Variants in SUPT3H observed in about 807,000 individuals in gnomAD.
The protein encoded by SUPT3H is transcription initiation protein SPT3 homolog.
SUPT3H carries 44 observed loss-of-function variants against 44.3 expected under a neutral mutation model. That is an observed-to-expected ratio of 0.99 (90% CI 0.78 to 1.28). The LOEUF is 1.28. Among genes scored for constraint, SUPT3H ranks in the 50% most tolerant of loss-of-function variants. The probability of loss-of-function intolerance (pLI) is 0.00; values close to 1 mark genes in which losing one functional copy is unlikely to be tolerated. For synonymous variants in SUPT3H, 124 were observed against 125.6 expected (o/e 0.99, Z 0.09); for missense variants, 380 against 387.1 (o/e 0.98, Z 0.15).
At chr6:45,006,533 C>T (rs1782742962) in intron 5 of SUPT3H, among the ~76,000 whole-genome samples, 1 of 151,946 alleles carries the variant, frequency 6.6e-6, no homozygotes, top group Admixed American at 6.6e-5. Context: ...GGACACATTG[C>T]TTGAACATAT....
At chr6:45,238,165 T>C (rs570923099) in intron 2 of SUPT3H, among the ~76,000 whole-genome samples, 3 of 152,306 alleles carry the variant, frequency 2.0e-5, no homozygotes, top group East Asian at 3.9e-4. Context: ...TTATTCAGTA[T>C]ATGGATGATA....
intron 6 of SUPT3H, among the ~76,000 whole-genome samples, chr6:44,978,965 T>C (rs964247098): frequency 6.6e-6 from 1 of 152,208 alleles, no homozygotes; most frequent in East Asian, 1.9e-4. Flanking sequence ...ATTAATATTC[T>C]TCAAAGCACA....
chr6:45,095,369 G>A lies in SUPT3H; in HGVS notation c.186+10553C>T, dbSNP rs1797654909. 6.6e-6 allele frequency among the ~76,000 whole-genome samples: 1 copy of A among 152,158 alleles called. No individual in the cohort carries two copies. Among genetic ancestry groups the A allele is most frequent in the Non-Finnish European group, 1.5e-5 (1 of 68,004 alleles). Reference sequence around the variant, plus strand: ...TAAGTGACAGCCTCACAGAACTGGTGATGAGGACAGAACAGAGCTTTGCAT... The same window carrying A: ...TAAGTGACAGCCTCACAGAACTGGTAATGAGGACAGAACAGAGCTTTGCAT... On this transcript the variant is annotated intron_variant, in intron 3 of 10. Transcript: ENST00000371459. The surrounding 1 kb of genome is among the most constrained non-coding windows in gnomAD (Gnocchi z 4.1).
intron 4 of SUPT3H, among the ~76,000 whole-genome samples, chr6:45,015,694 C>T (rs959597861): frequency 2.0e-5 from 3 of 151,732 alleles, no homozygotes; most frequent in African/African-American, 4.9e-5. Context: ...TGTACAAAAA[C>T]GTTTTTCCTT....
intron 2 of SUPT3H, among the ~76,000 whole-genome samples, chr6:45,278,287 T>C (rs533326734): frequency 6.6e-6 from 1 of 152,102 alleles, no homozygotes; most frequent in East Asian, 1.9e-4. Flanking sequence ...GAACTAAAAG[T>C]ATAATTTAAA....
At chr6:44,903,438 G>A (rs947668885) in intron 10 of SUPT3H, among the ~76,000 whole-genome samples, 1 of 152,114 alleles carries the variant, frequency 6.6e-6, no homozygotes, top group Admixed American at 6.5e-5. Context: ...TAGAAGAAAT[G>A]GATAAATTCC....
chr6:44,904,901 C>G (rs1355174234), intron 10 of SUPT3H, among the ~76,000 whole-genome samples: 3 of 152,096 alleles, frequency 2.0e-5, no homozygotes, highest in Non-Finnish European at 4.4e-5. Context: ...ACAAACCTGA[C>G]AAAAACAAGA....
Position 45,253,260 on chromosome 6 carries a change from A to G in SUPT3H, c.101+111941T>C, listed in dbSNP as rs547378043. Among the ~76,000 whole-genome samples, 13 of 152,306 alleles carry G rather than the reference A, an allele frequency of 8.5e-5. 1 individual carries two copies. The South Asian group carries it at 2.5e-3, about 29-fold the overall frequency. On this transcript the variant is annotated intron_variant, in intron 2 of 10. Transcript: ENST00000371459. ...AATACAAATATCTCAACACTTTTAC[A>G]TGGGTAAAGAATAGCAGATAATTTA...
intron 2 of SUPT3H, among the ~76,000 whole-genome samples, chr6:45,228,119 AG>A (rs1562739717): frequency 6.6e-6 from 1 of 152,202 alleles, no homozygotes; most frequent in Non-Finnish European, 1.5e-5. Flanking sequence ...GCAATCAGTA[AG>A]TGAAGCCAAA....
intron 10 of SUPT3H, among the ~76,000 whole-genome samples, chr6:44,887,108 T>A (rs199659188): frequency 5.9e-5 from 9 of 152,028 alleles, no homozygotes; most frequent in South Asian, 4.2e-4. Context: ...GAGCACCCAG[T>A]TTCATAAAGC....
At chr6:45,245,301 A>G (rs1771144359) in intron 2 of SUPT3H, among the ~76,000 whole-genome samples, 2 of 152,146 alleles carry the variant, frequency 1.3e-5, no homozygotes, top group Admixed American at 1.3e-4. Flanking sequence ...TCATAACATA[A>G]AATTTACTAT....
At chr6:45,239,268 C>T (rs1219294699) in intron 2 of SUPT3H, among the ~76,000 whole-genome samples, 4 of 152,198 alleles carry the variant, frequency 2.6e-5, no homozygotes, top group East Asian at 1.9e-4. Context: ...ACCCTTTTTA[C>T]GTTACTCATA....
intron 2 of SUPT3H, among the ~76,000 whole-genome samples, chr6:45,243,830 T>C (rs1770841584): frequency 6.6e-6 from 1 of 152,224 alleles, no homozygotes; most frequent in Non-Finnish European, 1.5e-5. Context: ...GTATTTCCCC[T>C]GTATCAGATT....
At position 45,156,215 on chromosome 6, in the gene SUPT3H, C is replaced by T. The variant is rs565210798; in HGVS notation, c.102-50209G>A. On this transcript the variant is annotated intron_variant, in intron 2 of 10. Transcript: ENST00000371459. The stretch of plus-strand genomic sequence containing the variant: ...TTTTGCATATGTAACTTGTTTCTCT[C>T]AGTGTCTGAGACTATCAGAAACAAA... Among the ~76,000 whole-genome samples the T allele has an allele frequency of 1.8e-3, 280 of 152,242 alleles. 1 individual carries two copies. The highest frequency in any genetic ancestry group is 6.2e-3 in the African/African-American group (259 of 41,562).
At chr6:44,946,398 A>G (rs1196102523) in intron 9 of SUPT3H, among the ~76,000 whole-genome samples, 1 of 152,222 alleles carries the variant, frequency 6.6e-6, no homozygotes, top group Non-Finnish European at 1.5e-5. Flanking sequence ...ATCCAAGGAA[A>G]GTAAATGAAA....
chr6:45,265,321 C>A (rs1033953116), intron 2 of SUPT3H, among the ~76,000 whole-genome samples: 7 of 151,976 alleles, frequency 4.6e-5, no homozygotes, highest in African/African-American at 7.3e-5. Flanking sequence ...ACAAAAGAAA[C>A]CTTGTATATT....
At chr6:45,138,187 C>CAA (rs1804620260) in intron 2 of SUPT3H, among the ~76,000 whole-genome samples, 1 of 151,954 alleles carries the variant, frequency 6.6e-6, no homozygotes, top group Admixed American at 6.6e-5. Context: ...TGACAATAAT[C>CAA]AAAAAGATAA....
chr6:44,901,674 G>A (rs368679944), intron 10 of SUPT3H, among the ~76,000 whole-genome samples: 3 of 151,018 alleles, frequency 2.0e-5, no homozygotes, highest in South Asian at 2.1e-4. Flanking sequence ...TACAGAGAAC[G>A]CCACAAAGAT....
chr6:44,971,627 G>A (rs1474066212), intron 6 of SUPT3H, among the ~76,000 whole-genome samples: 1 of 152,082 alleles, frequency 6.6e-6, no homozygotes, highest in East Asian at 1.9e-4. Flanking sequence ...CATGACACAT[G>A]GGGATTATGG....
Sources: allele counts gnomAD v4.1 joint callset (sites outside exome capture counted in the v4.1 genomes callset), GRCh38; gene constraint gnomAD v4.1.1; non-coding constraint Gnocchi (gnomAD v3.1); transcripts MANE v1.5; gene names NCBI Gene and HGNC (gene_info 2026-07-23, HGNC 2026-07-21).